GRK6: variants seen among roughly 807,000 people sequenced by gnomAD.
GRK6 encodes the protein G protein-coupled receptor kinase 6.
In GRK6, 37 loss-of-function variants were observed where a neutral mutation model predicts 80.8. That is an observed-to-expected ratio of 0.46 (90% CI 0.35 to 0.60). The LOEUF is 0.60. Among genes scored for constraint, GRK6 ranks in the 20% least tolerant of loss-of-function variants. The pLI is 0.00. For synonymous variants in GRK6, 295 were observed against 320.9 expected (o/e 0.92, Z 0.86); for missense variants, 560 against 784.6 (o/e 0.71, Z 3.42).
Position 177,440,764 on chromosome 5 carries a change from A to T in GRK6, c.1469A>T (p.Glu490Val), listed in dbSNP as rs1764442969. 6.2e-7 allele frequency: 1 copy of T among 1,614,160 alleles called. No individual in the cohort carries two copies. Among genetic ancestry groups the T allele is most frequent in the African/African-American group, 1.3e-5 (1 of 75,040 alleles). Residue 490 changes from glutamate (E) to valine (V), a missense_variant, in exon 14 of 16, where the codon GAG becomes GTG. By Grantham distance (121) the Glu-to-Val change is moderately radical. This residue lies in a region of GRK6 where 294 missense variants were observed against 397.4 expected (regional missense o/e 0.74). Transcript: ENST00000355472. ...IEQFSTVKGV[E>V]LEPTDQDFYQ... Reference sequence around the variant, plus strand: ...CAGTTCTCTACGGTCAAGGGCGTGGAGCTGGAGCCTACCGACCAGGACTTC... The same window carrying T: ...CAGTTCTCTACGGTCAAGGGCGTGGTGCTGGAGCCTACCGACCAGGACTTC...
At position 177,442,085 on chromosome 5, in the gene GRK6, C is replaced by T. The variant is rs139039774; in HGVS notation, c.*295C>T. 784 of 385,398 alleles carry T rather than the reference C, an allele frequency of 2.0e-3. 1 individual carries two copies. Among genetic ancestry groups the T allele is most frequent in the African/African-American group, 7.2e-3 (345 of 47,640 alleles). 23.9% of individuals were successfully genotyped at this position (385,398 alleles called of 1,614,324 possible). On this transcript the variant is annotated 3_prime_UTR_variant, in exon 16 of 16. Coordinates refer to ENST00000355472, the MANE Select transcript of GRK6 (RefSeq NM_001004106.3). ...TAGCGACCAGAGCATTCTTAATTCC[C>T]GCCGCAGACCTGGCGCCCCCGCCTT...
chr5:177,441,623 C>A, intron 15 of GRK6, 114 bp from the exon 16 acceptor site: 2 of 894,492 alleles, frequency 2.2e-6, no homozygotes, highest in South Asian at 1.3e-5. Context: ...AGAGTGCACC[C>A]CTCAGGCAGC....
At chr5:177,427,021 GC>G in intron 1 of GRK6, 124 bp downstream of exon 1, 1 of 443,192 alleles carries the variant, frequency 2.3e-6, no homozygotes, top group Non-Finnish European at 3.4e-6. Flanking sequence ...CTTACACCCC[GC>G]CCAGACACGA....
At chr5:177,431,760 G>C (rs940989306) in intron 2 of GRK6, 1 of 577,668 alleles carries the variant, frequency 1.7e-6, no homozygotes, top group African/African-American at 1.9e-5. Flanking sequence ...CTGGGCTCTG[G>C]AGCCAGACTC....
chr5:177,434,452 T>G (rs892735771), intron 9 of GRK6, among the ~76,000 whole-genome samples: 1 of 152,194 alleles, frequency 6.6e-6, no homozygotes, highest in African/African-American at 2.4e-5. Flanking sequence ...AACTTCCTAC[T>G]GGAGGGGCCC....
chr5:177,433,736 A>G, intron 8 of GRK6, 60 bp downstream of exon 8: 11 of 1,590,486 alleles, frequency 6.9e-6, no homozygotes, highest in Admixed American at 1.7e-5. Context: ...GACCGTCCCC[A>G]CCCCCCAGGC....
Position 177,436,224 on chromosome 5 carries a change from G to T in GRK6, c.1209G>T (p.Glu403Asp). The T allele has an allele frequency of 6.2e-7, 1 of 1,614,196 alleles. No homozygotes were observed. The highest frequency in any genetic ancestry group is 8.5e-7 in the Non-Finnish European group (1 of 1,180,034). ...KREEVERLVK[E>D]VPEEYSERFS... ...AGGAGGTGGAGCGGCTGGTGAAGGA[G>T]GTCCCCGAGGAGTATTCCGAGCGCT... Residue 403 changes from glutamate to aspartate, a missense_variant, in exon 12 of 16, where the codon GAG becomes GAT. Glu to Asp is a conservative substitution (Grantham distance 45, BLOSUM62 2). Coordinates refer to ENST00000355472, the MANE Select transcript of GRK6 (RefSeq NM_001004106.3).
At chr5:177,437,893 T>C (rs1764237651) in intron 13 of GRK6, among the ~76,000 whole-genome samples, 1 of 152,204 alleles carries the variant, frequency 6.6e-6, no homozygotes, top group Non-Finnish European at 1.5e-5. Context: ...GCCAGGTTGA[T>C]AGCTGTCAAT....
chr5:177,434,761 C>A, intron 9 of GRK6, 141 bp from the exon 10 acceptor site: 2 of 842,622 alleles, frequency 2.4e-6, no homozygotes, highest in Non-Finnish European at 1.9e-6. Context: ...GAGAGCAGGG[C>A]TGTCTGTCGC....
intron 12 of GRK6, 55 bp from the exon 13 acceptor site, chr5:177,436,338 T>G: frequency 3.2e-6 from 2 of 632,500 alleles, no homozygotes; most frequent in Non-Finnish European, 5.4e-6. Context: ...CACCTTTCCC[T>G]CCCTCCCACC....
intron 15 of GRK6, 146 bp from the exon 16 acceptor site, chr5:177,441,591 C>A: frequency 1.3e-6 from 1 of 763,604 alleles, no homozygotes; most frequent in South Asian, 1.5e-5. Flanking sequence ...GCTCCAGGCT[C>A]CTTGTGGAGA....
chr5:177,438,308 C>A (rs1363506281), intron 13 of GRK6, among the ~76,000 whole-genome samples: 1 of 152,030 alleles, frequency 6.6e-6, no homozygotes, highest in South Asian at 2.1e-4. Flanking sequence ...GAGGAGGTTG[C>A]GGTGAGTTGA....
Position 177,436,431 on chromosome 5 carries a change from T to C in GRK6, c.1305T>C (p.Arg435=). ...ACCCTGCCGAACGCCTGGGGTGTCG[T>C]GGGGGCAGTGCCCGCGAGGTGAAGG... ...CKDPAERLGC[R]GGSAREVKEH... The change falls in exon 13 of 16, where the codon CGT becomes CGC. Residue 435 remains arginine, a synonymous_variant. Transcript: ENST00000355472. The C allele has an allele frequency of 6.4e-7, 1 of 1,551,676 alleles. No individual in the cohort carries two copies. Among genetic ancestry groups the C allele is most frequent in the East Asian group, 2.6e-5 (1 of 38,914 alleles).
At position 177,442,707 on chromosome 5, in the gene GRK6, T is replaced by C. The variant is rs1016433093; in HGVS notation, c.*917T>C. On this transcript the variant is annotated 3_prime_UTR_variant, in exon 16 of 16. Coordinates refer to ENST00000355472, the MANE Select transcript of GRK6 (RefSeq NM_001004106.3). Reference sequence around the variant, plus strand: ...GGGTGAAGGGGATAGGGCGAGGCTGTGCCTGTGCCCCAGGTCCCAGCCCTG... The same window carrying C: ...GGGTGAAGGGGATAGGGCGAGGCTGCGCCTGTGCCCCAGGTCCCAGCCCTG... 18 of 152,676 alleles carry C rather than the reference T, an allele frequency of 1.2e-4. No homozygotes were observed. Among genetic ancestry groups the C allele is most frequent in the African/African-American group, 4.1e-4 (17 of 41,460 alleles). The allele number at this position is 152,676 out of a possible 1,614,324, so 9.5% of individuals were successfully genotyped here.
intron 13 of GRK6, chr5:177,438,931 A>C (rs1207806659): frequency 6.6e-6 from 1 of 152,224 alleles, no homozygotes; most frequent in Non-Finnish European, 1.5e-5. Flanking sequence ...GAACTGCCAG[A>C]CTGTTTTCCA....
intron 8 of GRK6, 51 bp from the exon 9 acceptor site, chr5:177,433,863 G>A (rs746550425): frequency 8.9e-5 from 135 of 1,510,036 alleles, no homozygotes; most frequent in South Asian, 2.7e-4. Flanking sequence ...CAGCCCTGCC[G>A]CCAAGCGCCC....
chr5:177,441,513 C>G (rs1350046477), intron 15 of GRK6, among the ~76,000 whole-genome samples: 1 of 152,158 alleles, frequency 6.6e-6, no homozygotes, highest in Non-Finnish European at 1.5e-5. Flanking sequence ...ATCTACCCAG[C>G]CCCCTTACTT....
At chr5:177,437,614 A>G (rs757481768) in intron 13 of GRK6, among the ~76,000 whole-genome samples, 1 of 152,166 alleles carries the variant, frequency 6.6e-6, no homozygotes. Flanking sequence ...CGTGGAGTGT[A>G]TTGGTTCATT....
intron 8 of GRK6, 57 bp from the exon 9 acceptor site, chr5:177,433,857 C>T: frequency 6.7e-7 from 1 of 1,503,122 alleles, no homozygotes; most frequent in Admixed American, 2.2e-5. Flanking sequence ...TTTGGGCAGC[C>T]CTGCCGCCAA....
Sources: allele counts gnomAD v4.1 joint callset (sites outside exome capture counted in the v4.1 genomes callset), GRCh38; gene constraint gnomAD v4.1.1; regional missense constraint gnomAD v4.1.1; transcripts MANE v1.5; gene names NCBI Gene and HGNC (gene_info 2026-07-23, HGNC 2026-07-21).